SPTB: variants seen among roughly 807,000 people sequenced by gnomAD.
SPTB encodes the protein spectrin beta chain, erythrocytic.
Under a neutral mutation model 256.2 loss-of-function variants are expected in SPTB, and 45 were observed. The ratio of observed to expected loss-of-function variants is 0.18; its 90% CI spans 0.14 to 0.23. The LOEUF is 0.23. Among genes scored for constraint, SPTB ranks in the 10% least tolerant of loss-of-function variants. The pLI is 1.00. For synonymous variants in SPTB, 1,231 were observed against 1,243.1 expected, an observed-to-expected ratio of 0.99 and a Z score of 0.21; for missense variants, 2,715 against 3,040.4, an observed-to-expected ratio of 0.89 and a Z score of 2.52.
Position 64,753,805 on chromosome 14 carries a change from A to AT in SPTB, c.6346-13dup, listed in dbSNP as rs555587693. The AT allele has an allele frequency of 2.5e-4, 400 of 1,611,838 alleles. 1 individual carries two copies. The African/African-American group carries it at 4.7e-3, about 19-fold the overall frequency. On this transcript the variant is annotated splice_polypyrimidine_tract_variant and intron_variant, in intron 32 of 35. Coordinates refer to ENST00000644917, the MANE Select transcript of SPTB (RefSeq NM_001355436.2). Reference sequence around the variant, plus strand: ...CCCTCTTCTTCCCCCTGCTCAGGGCATAGGGAGGAGCACACCTTTCTGGGT... The same window carrying AT: ...CCCTCTTCTTCCCCCTGCTCAGGGCATTAGGGAGGAGCACACCTTTCTGGGT...
At chr14:64,799,982 CACT>C (rs2139622080) in intron 8 of SPTB, 48 bp from the exon 9 acceptor site, 1 of 1,601,194 alleles carries the variant, frequency 6.2e-7, no homozygotes, top group Non-Finnish European at 8.5e-7. Context: ...GCAATGCCAC[CACT>C]GAGGATATCA....
In SPTB at chr14:64,803,760, C is replaced by T; in HGVS notation, c.321G>A (p.Lys107=). Residue 107 remains lysine (K), a synonymous_variant, in exon 4 of 36, where the codon AAG becomes AAA. Transcript: ENST00000644917. ...CATTCTCCAGGCAGTGGATGCGCATCTTCCCCTTGGTGGGCTTTGGCTGGG... is the reference window on the plus strand; with the variant it reads ...CATTCTCCAGGCAGTGGATGCGCATTTTCCCCTTGGTGGGCTTTGGCTGGG... The part of the protein sequence containing the change: ...GEMLPKPTKG[K]MRIHCLENVD... The T allele has an allele frequency of 2.5e-6, 4 of 1,613,076 alleles. No individual in the cohort carries two copies. Among genetic ancestry groups the T allele is most frequent in the Non-Finnish European group, 3.4e-6 (4 of 1,179,450 alleles).
chr14:64,858,163 C>T (rs1279930343), intron 1 of SPTB, among the ~76,000 whole-genome samples: 2 of 152,174 alleles, frequency 1.3e-5, no homozygotes, highest in African/African-American at 4.8e-5. Context: ...TGCCACACCA[C>T]ACAGCAGGAG....
In SPTB at chr14:64,782,345, G is replaced by A. The variant is rs950346432; in HGVS notation, c.4211C>T (p.Ser1404Leu). The A allele has an allele frequency of 1.9e-6, 3 of 1,614,206 alleles. No homozygotes were observed. Among genetic ancestry groups the A allele is most frequent in the Non-Finnish European group, 2.5e-6 (3 of 1,180,046 alleles). ...GGTCAGGTCCTTGCCCGGGTCGTCT[G>A]ACCGCAGCTGGTCCTCCATGGCGCT... ...WISAMEDQLRSDDPGKDLTSV... is the reference protein window; with the variant it reads ...WISAMEDQLRLDDPGKDLTSV... Residue 1404 changes from serine (S) to leucine (L), a missense_variant, in exon 20 of 36, where the codon TCA becomes TTA. Transcript: ENST00000644917.
At chr14:64,871,390 T>A (rs1053845836) in intron 1 of SPTB, among the ~76,000 whole-genome samples, 13 of 152,182 alleles carry the variant, frequency 8.5e-5, no homozygotes, top group Non-Finnish European at 1.6e-4. Context: ...GGTGCCAGAA[T>A]AGAATGGCTC....
At position 64,749,354 on chromosome 14, in the gene SPTB, G is replaced by A; in HGVS notation, c.6939C>T (p.Gly2313=). 6.2e-7 allele frequency: 1 copy of A among 1,610,472 alleles called. No individual in the cohort carries two copies. Among genetic ancestry groups the A allele is most frequent in the Non-Finnish European group, 8.5e-7 (1 of 1,179,612 alleles). The change falls in exon 36 of 36, where the codon GGC becomes GGT. Residue 2313 remains glycine (G), a synonymous_variant. Coordinates refer to ENST00000644917, the MANE Select transcript of SPTB (RefSeq NM_001355436.2). This position sits in a 1 kb window ranked among gnomAD's most constrained non-coding sequence, Gnocchi z 4.7. ...PSLSGPDASL[G]KKDKEKRFSF... ...TGAATCTCTTCTCCTTGTCTTTCTTGCCGAGGCTGGCGTCGGGGCCGGAGA... is the reference window on the plus strand; with the variant it reads ...TGAATCTCTTCTCCTTGTCTTTCTTACCGAGGCTGGCGTCGGGGCCGGAGA...
At position 64,747,941 on chromosome 14, in the gene SPTB, C is replaced by T. The variant is rs574139819; in HGVS notation, c.*1365G>A. The T allele has an allele frequency of 1.3e-5, 2 of 152,286 alleles. No individual in the cohort carries two copies. The highest frequency in any genetic ancestry group is 4.8e-5 in the African/African-American group (2 of 41,500). 9.4% of individuals were successfully genotyped at this position (152,286 alleles called of 1,614,324 possible). ...CTTTCTCTTCCTCCAGAAGTATGAC[C>T]TGAGCAGCAAGGGGAAGGCCATTCC... On this transcript the variant is annotated 3_prime_UTR_variant, in exon 36 of 36. Transcript: ENST00000644917.
rs1290533877 is a variant in SPTB, at chr14:64,807,649, T to C, written c.149-2559A>G. ...AAAAGGCCCCAAGGTGAGAGGCATT[T>C]CCATGAGCTGGCTGGCTCCAGCCGC... On this transcript the variant is annotated intron_variant, in intron 2 of 35. Coordinates refer to ENST00000644917, the MANE Select transcript of SPTB (RefSeq NM_001355436.2). The surrounding 1 kb of genome is among the most constrained non-coding windows in gnomAD (Gnocchi z 4.7). Among the ~76,000 whole-genome samples the C allele has an allele frequency of 6.6e-6, 1 of 152,246 alleles. No individual in the cohort carries two copies. The highest frequency in any genetic ancestry group is 6.5e-5 in the Admixed American group (1 of 15,288).
At chr14:64,797,124 T>C (rs971272262) in intron 10 of SPTB, among the ~76,000 whole-genome samples, 7 of 152,088 alleles carry the variant, frequency 4.6e-5, no homozygotes, top group Non-Finnish European at 1.0e-4. Flanking sequence ...TATTCCATCT[T>C]CAAAGACAAA....
intron 1 of SPTB, among the ~76,000 whole-genome samples, chr14:64,857,043 A>G (rs1475399469): frequency 6.6e-6 from 1 of 152,258 alleles, no homozygotes; most frequent in African/African-American, 2.4e-5. Context: ...ACCAGAAACC[A>G]GTAAAGACTG....
intron 1 of SPTB, among the ~76,000 whole-genome samples, chr14:64,832,510 C>G (rs193267866): frequency 6.6e-6 from 1 of 152,156 alleles, no homozygotes; most frequent in Non-Finnish European, 1.5e-5. Context: ...ACACACTGTT[C>G]CTAGGCTATT....
rs997874171 is a variant in SPTB at position 64,879,832 on chromosome 14, G to C, written c.-92C>G. On this transcript the variant is annotated 5_prime_UTR_variant, in exon 1 of 36. Transcript: ENST00000644917. The stretch of plus-strand genomic sequence containing the variant: ...AGCGGGGGCCACCCCGAGCCCGGGG[G>C]TGGCGGCGGCGGCGGCGCAGGGGGA... 1.2e-4 allele frequency: 19 copies of C among 152,170 alleles called. No individual in the cohort carries two copies. Among genetic ancestry groups the C allele is most frequent in the African/African-American group, 4.6e-4 (19 of 40,990 alleles). 9.4% of individuals were successfully genotyped at this position (152,170 alleles called of 1,614,324 possible).
chr14:64,765,912 T>G (rs1162794713), intron 32 of SPTB, among the ~76,000 whole-genome samples: 21 of 140,594 alleles, frequency 1.5e-4, no homozygotes, highest in Admixed American at 1.4e-3. Context: ...TGTGTGGGGG[T>G]GTGGTGTGTA....
rs35825614 is a variant in SPTB, at chr14:64,867,859, C to CAA, written c.-52+11931_-52+11932dup. 1.6e-3 allele frequency among the ~76,000 whole-genome samples: 203 copies of CAA among 124,058 alleles called. 9 individuals carry two copies. The highest frequency in any genetic ancestry group is 7.4e-3 in the African/African-American group (191 of 25,746). The allele number at this position is 124,058 out of a possible 152,430, so 81.4% of individuals were successfully genotyped here. ...CCTGGGCAACAGGGTGACTCTGTCT[C>CAA]AAAAAAAAAAAAAAAAAAAAAAAAA... On this transcript the variant is annotated intron_variant, in intron 1 of 35. Coordinates refer to ENST00000644917, the MANE Select transcript of SPTB (RefSeq NM_001355436.2).
intron 33 of SPTB, chr14:64,752,165 GA>G: frequency 7.5e-7 from 1 of 1,334,844 alleles, no homozygotes; most frequent in African/African-American, 1.5e-5. Context: ...TTTGGTGAGG[GA>G]ATCAAACTGA....
At chr14:64,799,363 G>A (rs1268663) in intron 9 of SPTB, among the ~76,000 whole-genome samples, 32,429 of 152,172 alleles carry the variant, frequency 0.21, 3,607 homozygotes, top group South Asian at 0.32. Context: ...CCCATGCAGA[G>A]AGCTCAGGGG....
intron 1 of SPTB, among the ~76,000 whole-genome samples, chr14:64,837,806 G>A (rs749941336): frequency 1.3e-5 from 2 of 152,076 alleles, no homozygotes; most frequent in Non-Finnish European, 2.9e-5. Flanking sequence ...TCACCATGTT[G>A]GCCAGGCAGG....
intron 2 of SPTB, among the ~76,000 whole-genome samples, chr14:64,821,055 A>G (rs118183014): frequency 6.6e-6 from 1 of 152,236 alleles, no homozygotes; most frequent in Non-Finnish European, 1.5e-5. Context: ...ACACAGGCCA[A>G]CTGGAGAAAC....
chr14:64,774,301 T>C, intron 24 of SPTB, 96 bp downstream of exon 24: 3 of 1,460,116 alleles, frequency 2.1e-6, no homozygotes, highest in Non-Finnish European at 2.7e-6. Flanking sequence ...GGGAAAACTC[T>C]TTCCATTTTC....
Sources: gnomAD v4.1 joint callset for allele counts (sites outside exome capture counted in the v4.1 genomes callset) on GRCh38, gnomAD v4.1.1 for gene constraint, Gnocchi (gnomAD v3.1) non-coding constraint, MANE v1.5 for transcripts, NCBI Gene and HGNC (gene_info 2026-07-23, HGNC 2026-07-21) for gene names.